MGAT4D: variants seen among roughly 807,000 people sequenced by gnomAD.
The protein encoded by MGAT4D is alpha-1,3-mannosyl-glycoprotein 4-beta-N-acetylglucosaminyltransferase-like protein MGAT4D.
Under a neutral mutation model 15.9 loss-of-function variants are expected in MGAT4D, and 34 were observed. The observed-to-expected ratio is 2.14, with a 90% CI of 1.62 to 2.84. The LOEUF is 2.84. Among genes scored for constraint, MGAT4D ranks in the 30% most tolerant of loss-of-function variants. The pLI, the probability that MGAT4D is intolerant of heterozygous loss-of-function variation, is 0.00. For synonymous variants in MGAT4D, 112 were observed against 48.2 expected, an observed-to-expected ratio of 2.33 and a Z score of -5.49; for missense variants, 327 against 140.2, an observed-to-expected ratio of 2.33 and a Z score of -6.73.
Position 140,471,808 on chromosome 4 carries a change from T to A in MGAT4D, c.539A>T (p.Tyr180Phe). 1 of 494,136 alleles carries A rather than the reference T, an allele frequency of 2.0e-6. No homozygotes were observed. The highest frequency in any genetic ancestry group is 3.5e-5 in the East Asian group (1 of 28,586). 30.6% of individuals were successfully genotyped at this position (494,136 alleles called of 1,614,324 possible). The change falls in exon 5 of 11, where the codon TAT becomes TTT. Residue 180 changes from tyrosine to phenylalanine, a missense_variant. Physicochemically the swap from Tyr to Phe is conservative, Grantham distance 22 (BLOSUM62 3). Transcript: ENST00000511113. ...AATCATTTTAACAACAGAATGTAAA[T>A]AATCTTCATTACTCTAAAAATGAGA... ...IVLVADSNED[Y>F]LHSVVKMITK...
At chr4:140,478,763 CTT>C (rs5862479) in intron 3 of MGAT4D, among the ~76,000 whole-genome samples, 238 of 144,834 alleles carry the variant, frequency 1.6e-3, no homozygotes, top group African/African-American at 4.4e-3. Flanking sequence ...GGTCAGCAAA[CTT>C]TTTTTTTTTT....
At chr4:140,466,796 T>A (rs1323837523) in intron 5 of MGAT4D, among the ~76,000 whole-genome samples, 1 of 151,974 alleles carries the variant, frequency 6.6e-6, no homozygotes, top group Non-Finnish European at 1.5e-5. Context: ...ATTGCCTGAG[T>A]ATATATAAAC....
intron 8 of MGAT4D, 25 bp downstream of exon 8, chr4:140,459,487 C>T (rs1045105054): frequency 2.3e-6 from 1 of 431,592 alleles, no homozygotes. Context: ...AAAACTTGAT[C>T]CAACAAAGTA....
At chr4:140,450,756 A>G (rs1730422138) in intron 10 of MGAT4D, among the ~76,000 whole-genome samples, 1 of 152,208 alleles carries the variant, frequency 6.6e-6, no homozygotes, top group Admixed American at 6.5e-5. Flanking sequence ...CTGAAGGATC[A>G]TTTAAACTCT....
intron 9 of MGAT4D, among the ~76,000 whole-genome samples, chr4:140,454,897 TGGAA>T (rs201884742): frequency 0.2 from 30,273 of 152,016 alleles, 3,103 homozygotes; most frequent in Admixed American, 0.29. Flanking sequence ...TATTCCCTTA[TGGAA>T]AATCCTTTTA....
At chr4:140,465,092 T>C (rs1731444659) in intron 5 of MGAT4D, 83 bp from the exon 6 acceptor site, 1 of 605,986 alleles carries the variant, frequency 1.7e-6, no homozygotes, top group Non-Finnish European at 2.9e-6. Context: ...AATTTTCTTA[T>C]GCATGGCCAC....
intron 9 of MGAT4D, among the ~76,000 whole-genome samples, chr4:140,454,049 G>C (rs187913541): frequency 4.6e-5 from 7 of 151,636 alleles, no homozygotes; most frequent in African/African-American, 7.3e-5. Context: ...TTTATTCTTT[G>C]TGATTTTCTA....
intron 1 of MGAT4D, among the ~76,000 whole-genome samples, chr4:140,494,050 C>G (rs531347887): frequency 1.2e-4 from 18 of 151,772 alleles, no homozygotes; most frequent in African/African-American, 4.4e-4. Flanking sequence ...GGAGTGGTTG[C>G]ATTACCCAGG....
At chr4:140,446,743 GTTTTTTTTTTTTTTTTTT>G (rs149442061) in intron 10 of MGAT4D, among the ~76,000 whole-genome samples, 2 of 8,170 alleles carry the variant, frequency 2.4e-4, no homozygotes, top group African/African-American at 5.0e-4. Context: ...TGCTTCTCTA[GTTTTTTTTTTTTTTTTTT>G]TTTTTTTTTT....
intron 7 of MGAT4D, 54 bp from the exon 8 acceptor site, chr4:140,459,680 A>G (rs1440304442): frequency 2.6e-6 from 1 of 385,024 alleles, no homozygotes; most frequent in Non-Finnish European, 4.6e-6. Context: ...CCATTGAGTA[A>G]AGCTATATTA....
At chr4:140,454,551 C>A (rs1730675433) in intron 9 of MGAT4D, among the ~76,000 whole-genome samples, 1 of 151,934 alleles carries the variant, frequency 6.6e-6, no homozygotes, top group South Asian at 2.1e-4. Flanking sequence ...GGATATGTGG[C>A]CTTGGTTTCC....
chr4:140,497,777 T>A (rs188248436), intron 1 of MGAT4D, among the ~76,000 whole-genome samples: 1 of 152,154 alleles, frequency 6.6e-6, no homozygotes, highest in African/African-American at 2.4e-5. Context: ...CAGACAGCCA[T>A]AGTTTCGAGA....
At chr4:140,468,068 A>G (rs1432506748) in intron 5 of MGAT4D, among the ~76,000 whole-genome samples, 3 of 151,424 alleles carry the variant, frequency 2.0e-5, no homozygotes, top group East Asian at 1.9e-4. Flanking sequence ...AAATTATTCT[A>G]TTATAATTTA....
Position 140,457,739 on chromosome 4 carries a change from C to A in MGAT4D, c.878-1020G>T, listed in dbSNP as rs376110157. On this transcript the variant is annotated intron_variant, in intron 8 of 10. Coordinates refer to ENST00000511113, the MANE Select transcript of MGAT4D (RefSeq NM_001277353.2). ...GTAAGCATTCTCTATGTGTCTCTTA[C>A]TTGACTTTGCTGAGAAAGATAAATT... 5 of 152,282 alleles carry A rather than the reference C, an allele frequency of 3.3e-5. No homozygotes were observed. The East Asian group carries it at 5.8e-4, about 18-fold the overall frequency. 9.4% of individuals were successfully genotyped at this position (152,282 alleles called of 1,614,324 possible).
intron 1 of MGAT4D, among the ~76,000 whole-genome samples, chr4:140,483,433 T>G (rs1732876073): frequency 6.6e-6 from 1 of 152,140 alleles, no homozygotes; most frequent in Non-Finnish European, 1.5e-5. Context: ...TTAAAATGTC[T>G]ATACTACACA....
At chr4:140,462,884 T>C (rs548352359) in intron 6 of MGAT4D, among the ~76,000 whole-genome samples, 12 of 152,118 alleles carry the variant, frequency 7.9e-5, no homozygotes, top group East Asian at 7.7e-4. Flanking sequence ...GAGACTCACA[T>C]TGTGAACGTT....
chr4:140,444,290 G>C (rs1052277665), intron 10 of MGAT4D, among the ~76,000 whole-genome samples: 1 of 152,050 alleles, frequency 6.6e-6, no homozygotes, highest in African/African-American at 2.4e-5. Flanking sequence ...TGTCACGGGG[G>C]TTTGGTGTAC....
In MGAT4D at chr4:140,484,628, G is replaced by A. The variant is rs192802042; in HGVS notation, c.95-2143C>T. 1.9e-3 allele frequency among the ~76,000 whole-genome samples: 282 copies of A among 152,194 alleles called. 2 individuals carry two copies. The highest frequency in any genetic ancestry group is 6.3e-3 in the African/African-American group (261 of 41,526). ...AGCGAACAGGCAACCTACAGAATGG[G>A]AGAAAATTTTCACAACCTACTCATC... On this transcript the variant is annotated intron_variant, in intron 1 of 10. Coordinates refer to ENST00000511113, the MANE Select transcript of MGAT4D (RefSeq NM_001277353.2).
chr4:140,484,596 C>T (rs1156562012), intron 1 of MGAT4D, among the ~76,000 whole-genome samples: 1 of 152,142 alleles, frequency 6.6e-6, no homozygotes, highest in Non-Finnish European at 1.5e-5. Context: ...AAAGAAACTA[C>T]CATCAGAGCG....
Sources: gnomAD v4.1 joint callset for allele counts (sites outside exome capture counted in the v4.1 genomes callset) on GRCh38, gnomAD v4.1.1 for gene constraint, MANE v1.5 for transcripts, NCBI Gene and HGNC (gene_info 2026-07-23, HGNC 2026-07-21) for gene names.